SCML4: variants seen among roughly 807,000 people sequenced by gnomAD.
The protein encoded by SCML4 is sex comb on midleg-like protein 4.
A neutral mutation model predicts 41.1 loss-of-function variants in SCML4; 34 were observed. That is an observed-to-expected ratio of 0.83 (90% CI 0.63 to 1.10). The LOEUF is 1.10. SCML4 is among the 50% of genes least tolerant of loss of function. The probability of loss-of-function intolerance (pLI) is 0.00; values close to 1 mark genes in which losing one functional copy is unlikely to be tolerated. For missense variants in SCML4, 522 were observed against 534.1 expected (o/e 0.98, Z 0.22); for synonymous variants, 214 against 220.9 (o/e 0.97, Z 0.28).
intron 2 of SCML4, among the ~76,000 whole-genome samples, chr6:107,759,508 G>A (rs1021139014): frequency 1.3e-5 from 2 of 152,152 alleles, no homozygotes; most frequent in Admixed American, 6.5e-5. Context: ...AGAATTGATT[G>A]GATTCAGGGT....
chr6:107,812,300 T>C (rs1054975415), intron 1 of SCML4, among the ~76,000 whole-genome samples: 2 of 152,184 alleles, frequency 1.3e-5, no homozygotes, highest in Non-Finnish European at 2.9e-5. Context: ...TCCCCACAGA[T>C]GAACTGAACA....
rs112252896 is a variant in SCML4 at position 107,816,486 on chromosome 6, G to A, written c.-60+7640C>T. Among the ~76,000 whole-genome samples, 486 of 152,302 alleles carry A rather than the reference G, an allele frequency of 3.2e-3. 1 individual carries two copies. Among genetic ancestry groups the A allele is most frequent in the Non-Finnish European group, 4.4e-3 (300 of 68,030 alleles). The stretch of plus-strand genomic sequence containing the variant: ...AAATGGCTTTTCTGAACTGGAATCC[G>A]TGCGGTTCCATTTAGATGGATTCTG... On this transcript the variant is annotated intron_variant, in intron 1 of 7. Coordinates refer to ENST00000369020, the MANE Select transcript of SCML4 (RefSeq NM_198081.5).
chr6:107,722,967 A>G (rs1775579600), intron 5 of SCML4, among the ~76,000 whole-genome samples: 1 of 152,196 alleles, frequency 6.6e-6, no homozygotes, highest in African/African-American at 2.4e-5. Context: ...AATAGAAGAA[A>G]TCAATAAAAC....
rs9320232 is a variant in SCML4 at position 107,758,163 on chromosome 6, G to A, written c.157-8350C>T. The stretch of plus-strand genomic sequence containing the variant: ...GGTGCTGAAGATTCAGCTGTGAATG[G>A]GGAAGATAAACTTCTTGTTCTCAAT... On this transcript the variant is annotated intron_variant, in intron 2 of 7. Coordinates refer to ENST00000369020, the MANE Select transcript of SCML4 (RefSeq NM_198081.5). Among the ~76,000 whole-genome samples, 928 of 152,300 alleles carry A rather than the reference G, an allele frequency of 6.1e-3. 7 individuals are homozygous for A. Among genetic ancestry groups the A allele is most frequent in the African/African-American group, 0.02 (849 of 41,566 alleles).
chr6:107,825,336 G>T (rs1351655561), upstream of SCML4, among the ~76,000 whole-genome samples: 1 of 152,120 alleles, frequency 6.6e-6, no homozygotes, highest in Non-Finnish European at 1.5e-5. Context: ...GAAGGCTTAG[G>T]CCACAACCTG....
chr6:107,732,702 G>A (rs1527871), intron 5 of SCML4, among the ~76,000 whole-genome samples: 28,107 of 151,968 alleles, frequency 0.18, 2,772 homozygotes, highest in African/African-American at 0.24. Context: ...ATATGATCTC[G>A]CAGCTTTGCC....
At chr6:107,706,714 G>A (rs1412978557) in intron 7 of SCML4, among the ~76,000 whole-genome samples, 1 of 152,162 alleles carries the variant, frequency 6.6e-6, no homozygotes, top group African/African-American at 2.4e-5. Flanking sequence ...AGTGGCGGCT[G>A]TGTAATCACA....
At chr6:107,742,108 CAG>C (rs113918985) in intron 5 of SCML4, among the ~76,000 whole-genome samples, 23 of 151,912 alleles carry the variant, frequency 1.5e-4, no homozygotes, top group African/African-American at 4.6e-4. Context: ...AAAAATCAAA[CAG>C]AAATATTCAA....
intron 1 of SCML4, among the ~76,000 whole-genome samples, chr6:107,804,806 A>G (rs978214224): frequency 6.6e-6 from 1 of 152,144 alleles, no homozygotes; most frequent in African/African-American, 2.4e-5. Context: ...GTGAGACTCT[A>G]CAAAAATTAA....
intron 1 of SCML4, among the ~76,000 whole-genome samples, chr6:107,819,994 GT>G: frequency 6.6e-6 from 1 of 152,354 alleles, no homozygotes; most frequent in South Asian, 2.1e-4. Context: ...AGTAAGAGGT[GT>G]TTTATCTCCT....
At chr6:107,833,412 CA>C in the SCML4 span, among the ~76,000 whole-genome samples, 26 of 152,122 alleles carry the variant, frequency 1.7e-4, no homozygotes, top group Non-Finnish European at 3.1e-4. Context: ...AGGCTGCAGG[CA>C]AGCACTGGGG....
the SCML4 span, among the ~76,000 whole-genome samples, chr6:107,830,051 G>A: frequency 7.9e-5 from 12 of 152,234 alleles, no homozygotes; most frequent in African/African-American, 2.6e-4. Flanking sequence ...CCCATGTGGG[G>A]TGCTTAGTGC....
At chr6:107,730,952 T>C (rs879689323) in intron 5 of SCML4, among the ~76,000 whole-genome samples, 2 of 152,196 alleles carry the variant, frequency 1.3e-5, no homozygotes, top group Non-Finnish European at 2.9e-5. Context: ...CCTTGCTCCC[T>C]GATCCTTGCT....
chr6:107,823,237 C>A (rs938339314), intron 1 of SCML4, among the ~76,000 whole-genome samples: 6 of 152,170 alleles, frequency 3.9e-5, no homozygotes, highest in African/African-American at 1.2e-4. Context: ...AATCTAGAGA[C>A]AACACGAGGA....
At chr6:107,783,729 C>G (rs946380244) in intron 1 of SCML4, among the ~76,000 whole-genome samples, 24 of 143,408 alleles carry the variant, frequency 1.7e-4, no homozygotes, top group East Asian at 4.3e-4. Context: ...TGCCTGATGG[C>G]AGGTGCTGGT....
At chr6:107,753,290 G>T (rs1778841029) in intron 2 of SCML4, among the ~76,000 whole-genome samples, 1 of 152,062 alleles carries the variant, frequency 6.6e-6, no homozygotes, top group South Asian at 2.1e-4. Context: ...AAAAAAATTA[G>T]AAATAAAATT....
At chr6:107,774,996 A>G (rs899016015) in intron 1 of SCML4, among the ~76,000 whole-genome samples, 2 of 141,960 alleles carry the variant, frequency 1.4e-5, no homozygotes, top group Admixed American at 7.1e-5. Context: ...GACTCCATCT[A>G]AAAAAAAAAA....
chr6:107,723,228 T>C (rs1775611089), intron 5 of SCML4, among the ~76,000 whole-genome samples: 1 of 152,170 alleles, frequency 6.6e-6, no homozygotes, highest in Non-Finnish European at 1.5e-5. Flanking sequence ...AAAAATATCA[T>C]AAGTTGAAAA....
chr6:107,749,580 G>A, intron 3 of SCML4, 104 bp downstream of exon 3: 1 of 1,387,954 alleles, frequency 7.2e-7, no homozygotes, highest in Non-Finnish European at 1.0e-6. Flanking sequence ...GCTCATTTGA[G>A]CCATCTCAGC....
Sources: gnomAD v4.1 joint callset for allele counts (sites outside exome capture counted in the v4.1 genomes callset) on GRCh38, gnomAD v4.1.1 for gene constraint, MANE v1.5 for transcripts, NCBI Gene and HGNC (gene_info 2026-07-23, HGNC 2026-07-21) for gene names.